Variants in ANO10 observed in about 807,000 individuals in gnomAD.
ANO10 encodes anoctamin-10.
ANO10 carries 77 observed loss-of-function variants against 74.7 expected under a neutral mutation model. The ratio of observed to expected loss-of-function variants is 1.03; its 90% CI spans 0.86 to 1.25. ANO10 has a LOEUF of 1.25. ANO10 is among the 50% of genes most tolerant of loss of function. ANO10 has a pLI of 0.00. For missense variants in ANO10, 721 were observed against 778.1 expected (o/e 0.93, Z 0.87); for synonymous variants, 279 against 284.9 (o/e 0.98, Z 0.21).
intron 1 of ANO10, among the ~76,000 whole-genome samples, chr3:43,669,950 T>A (rs2084037037): frequency 6.6e-6 from 1 of 152,064 alleles, no homozygotes; most frequent in African/African-American, 2.4e-5. Flanking sequence ...GGTCTCGATC[T>A]CCTGACCTCA....
intron 11 of ANO10, among the ~76,000 whole-genome samples, chr3:43,545,749 A>G (rs2079163625): frequency 6.6e-6 from 1 of 152,204 alleles, no homozygotes; most frequent in Non-Finnish European, 1.5e-5. Context: ...AAATTGAAAT[A>G]TATTTAAGTT....
At chr3:43,654,018 T>A (rs1261519827) in intron 1 of ANO10, among the ~76,000 whole-genome samples, 2 of 150,556 alleles carry the variant, frequency 1.3e-5, no homozygotes, top group Admixed American at 1.3e-4. Flanking sequence ...GCATCTCCAA[T>A]GTGTCTGAAG....
At chr3:43,472,037 C>T (rs1317347530) in intron 11 of ANO10, among the ~76,000 whole-genome samples, 4 of 152,126 alleles carry the variant, frequency 2.6e-5, no homozygotes, top group Admixed American at 6.5e-5. Flanking sequence ...TATATCCACA[C>T]GATAGTACAC....
intron 1 of ANO10, 75 bp from the exon 2 acceptor site, chr3:43,605,938 T>C (rs1030850762): frequency 6.6e-6 from 10 of 1,523,192 alleles, no homozygotes; most frequent in Non-Finnish European, 9.0e-6. Flanking sequence ...GACTTCATTT[T>C]CTCCCAATTA....
intron 11 of ANO10, among the ~76,000 whole-genome samples, chr3:43,514,859 C>T (rs2077646946): frequency 6.6e-6 from 1 of 152,154 alleles, no homozygotes; most frequent in Non-Finnish European, 1.5e-5. Flanking sequence ...AACTAACATA[C>T]TTCTAAATAA....
chr3:43,582,268 C>T (rs1029842123), intron 4 of ANO10, among the ~76,000 whole-genome samples: 5 of 151,864 alleles, frequency 3.3e-5, no homozygotes, highest in Non-Finnish European at 7.4e-5. Context: ...TGCCGAACAC[C>T]GTGAAACCCC....
At chr3:43,399,308 C>T (rs756968640) in intron 12 of ANO10, among the ~76,000 whole-genome samples, 1 of 152,178 alleles carries the variant, frequency 6.6e-6, no homozygotes, top group Non-Finnish European at 1.5e-5. Flanking sequence ...CCAATAACGC[C>T]TTTTTGTTCT....
chr3:43,687,693 T>G (rs972108463), intron 1 of ANO10, among the ~76,000 whole-genome samples: 4 of 152,160 alleles, frequency 2.6e-5, no homozygotes, highest in Admixed American at 6.5e-5. Context: ...AATTGGTTAG[T>G]AGGTCACAAA....
At chr3:43,472,379 A>T (rs997925984) in intron 11 of ANO10, 50 of 152,316 alleles carry the variant, frequency 3.3e-4, no homozygotes, top group Middle Eastern at 6.8e-3. Flanking sequence ...TAAATTTTTT[A>T]AAAAACCCTT....
At chr3:43,553,231 A>T (rs1434135014) in intron 10 of ANO10, among the ~76,000 whole-genome samples, 1 of 152,134 alleles carries the variant, frequency 6.6e-6, no homozygotes, top group Non-Finnish European at 1.5e-5. Context: ...TTCTCTTTTG[A>T]TGCTCTTGAA....
chr3:43,411,330 C>T (rs991352394), intron 12 of ANO10, among the ~76,000 whole-genome samples: 1 of 152,150 alleles, frequency 6.6e-6, no homozygotes, highest in African/African-American at 2.4e-5. Flanking sequence ...GTAAGAGAAA[C>T]TTGCCTCCCC....
chr3:43,490,917 T>C (rs1286996889), intron 11 of ANO10, among the ~76,000 whole-genome samples: 23 of 152,074 alleles, frequency 1.5e-4, no homozygotes, highest in Admixed American at 1.5e-3. Flanking sequence ...AGTCTCCTAA[T>C]AGATAGAGAA....
chr3:43,558,395 G>A (rs1228153023), intron 9 of ANO10, among the ~76,000 whole-genome samples: 2 of 152,118 alleles, frequency 1.3e-5, no homozygotes, highest in African/African-American at 4.8e-5. Flanking sequence ...ACAGGAAAAG[G>A]ACAGCAGAGG....
chr3:43,449,515 CTTTTTTTTT>C (rs61265406), intron 11 of ANO10, among the ~76,000 whole-genome samples: 7 of 107,138 alleles, frequency 6.5e-5, no homozygotes, highest in African/African-American at 1.5e-4. Flanking sequence ...TATCTAGATT[CTTTTTTTTT>C]TTTTTTTTTT....
intron 12 of ANO10, among the ~76,000 whole-genome samples, chr3:43,383,552 A>G (rs1575617700): frequency 6.6e-6 from 1 of 152,030 alleles, no homozygotes; most frequent in African/African-American, 2.4e-5. Context: ...AATAAATGTG[A>G]TATACCACAT....
rs142085672 is a variant in ANO10 at position 43,635,599 on chromosome 3, T to G, written c.-11-29736A>C. On this transcript the variant is annotated intron_variant, in intron 1 of 3. Coordinates refer to the ANO10 transcript ENST00000413397. ...TTATAGTTTTGGTTTCTTTAGTTCG[T>G]ATAATCTGGTAAGCTCTGATCTTTT... Among the ~76,000 whole-genome samples the G allele has an allele frequency of 3.7e-3, 559 of 152,232 alleles. 4 individuals are homozygous for G. Among genetic ancestry groups the G allele is most frequent in the Non-Finnish European group, 6.6e-3 (448 of 68,008 alleles).
chr3:43,585,734 A>G (rs1269908888), intron 4 of ANO10, among the ~76,000 whole-genome samples: 1 of 152,176 alleles, frequency 6.6e-6, no homozygotes, highest in African/African-American at 2.4e-5. Context: ...TCTGCTTTGT[A>G]TTTTATTGGA....
At chr3:43,487,654 C>CGGA (rs2076548696) in intron 11 of ANO10, among the ~76,000 whole-genome samples, 1 of 151,862 alleles carries the variant, frequency 6.6e-6, no homozygotes, top group African/African-American at 2.4e-5. Context: ...GGTGATATCC[C>CGGA]CTTTATCATT....
rs142746202 is a variant in ANO10 at position 43,535,872 on chromosome 3, G to T, written c.1797+13848C>A. On this transcript the variant is annotated intron_variant, in intron 11 of 12. Coordinates refer to ENST00000292246, the MANE Select transcript of ANO10 (RefSeq NM_018075.5). ...TTTAAGTCTTCCCAAAGACTTTAAA[G>T]ATTATAAAACTCTCCTGAAGAGGAA... Among the ~76,000 whole-genome samples, 1,346 of 152,264 alleles carry T rather than the reference G, an allele frequency of 8.8e-3. 21 individuals carry two copies. The highest frequency in any genetic ancestry group is 0.03 in the African/African-American group (1,228 of 41,540).
Sources: allele counts gnomAD v4.1 joint callset (sites outside exome capture counted in the v4.1 genomes callset), GRCh38; gene constraint gnomAD v4.1.1; transcripts MANE v1.5; gene names NCBI Gene and HGNC (gene_info 2026-07-23, HGNC 2026-07-21).